LCOR: variants seen among roughly 807,000 people sequenced by gnomAD.
The protein encoded by LCOR is ligand dependent nuclear receptor corepressor, also known as ligand-dependent corepressor.
A neutral mutation model predicts 64.4 loss-of-function variants in LCOR; 14 were observed. The observed-to-expected ratio is 0.22, with a 90% CI of 0.14 to 0.34. LCOR has a LOEUF of 0.34. Ranked by LOEUF, LCOR falls within the 10% of genes least tolerant of loss-of-function variation. The probability of loss-of-function intolerance (pLI) is 1.00; values close to 1 mark genes in which losing one functional copy is unlikely to be tolerated. For missense variants in LCOR, 1,686 were observed against 1,765.3 expected (o/e 0.96, Z 0.80); for synonymous variants, 643 against 642.5 (o/e 1.00, Z -0.01).
intron 2 of LCOR, among the ~76,000 whole-genome samples, chr10:96,869,110 T>C (rs1846027316): frequency 6.6e-6 from 1 of 152,096 alleles, no homozygotes; most frequent in Non-Finnish European, 1.5e-5. Context: ...TTCACCATGT[T>C]GGCTAGGCTG....
chr10:96,852,578 T>G (rs964775578), intron 2 of LCOR, among the ~76,000 whole-genome samples: 7 of 152,242 alleles, frequency 4.6e-5, no homozygotes, highest in African/African-American at 1.4e-4. Context: ...ATCCTAAACC[T>G]GAAACACTTC....
At chr10:96,899,864 TA>T (rs780046062) in intron 2 of LCOR, among the ~76,000 whole-genome samples, 1 of 152,130 alleles carries the variant, frequency 6.6e-6, no homozygotes, top group Non-Finnish European at 1.5e-5. Context: ...CAGATTTTCT[TA>T]AAACATTACA....
At chr10:96,976,778 G>A (rs1848043731) in intron 7 of LCOR, among the ~76,000 whole-genome samples, 3 of 152,166 alleles carry the variant, frequency 2.0e-5, no homozygotes, top group Admixed American at 6.5e-5. Flanking sequence ...CTTACTGCAT[G>A]CATACCTTGA....
rs558082708 is a variant in LCOR, at chr10:96,916,835, G to C, written c.-184+9088G>C. On this transcript the variant is annotated intron_variant, in intron 4 of 7. Transcript: ENST00000421806. The stretch of plus-strand genomic sequence containing the variant: ...TCACCATGTTGGTCGGGCTGGTCTT[G>C]AACTCCTGACCTCAAGTGATCTGCC... Among the ~76,000 whole-genome samples, 4 of 152,006 alleles carry C rather than the reference G, an allele frequency of 2.6e-5. No homozygotes were observed. The South Asian group carries it at 8.3e-4, about 32-fold the overall frequency.
chr10:96,893,776 AAAG>A (rs1564617733), intron 2 of LCOR, among the ~76,000 whole-genome samples: 1 of 151,910 alleles, frequency 6.6e-6, no homozygotes, highest in African/African-American at 2.4e-5. Context: ...AAAAAAAAAA[AAAG>A]AAATTGTCCA....
intron 4 of LCOR, among the ~76,000 whole-genome samples, chr10:96,921,754 G>T (rs577773413): frequency 8.5e-5 from 13 of 152,168 alleles, no homozygotes; most frequent in Non-Finnish European, 1.6e-4. Flanking sequence ...GTAAGCCACG[G>T]CCCCCAGCCC....
chr10:96,958,313 A>G (rs984579518), intron 7 of LCOR: 5 of 1,523,112 alleles, frequency 3.3e-6, no homozygotes, highest in Non-Finnish European at 4.4e-6. Context: ...GTGGTAGTCT[A>G]TATAAGTGAT....
intron 1 of LCOR, 31 bp downstream of exon 1, chr10:96,832,430 TCCGGCCGCCCCGCCG>T: frequency 1.1e-6 from 1 of 894,802 alleles, no homozygotes; most frequent in East Asian, 1.2e-4. Flanking sequence ...CCGCCGCCCC[TCCGGCCGCCCCGCCG>T]CCGGTCGCCC....
At chr10:96,938,827 A>C (rs1847397524) in intron 4 of LCOR, among the ~76,000 whole-genome samples, 4 of 152,248 alleles carry the variant, frequency 2.6e-5, no homozygotes, top group African/African-American at 9.6e-5. Flanking sequence ...TATAAAAGAA[A>C]TATAAGACTT....
At chr10:96,966,821 G>A (rs560025481) in intron 7 of LCOR, among the ~76,000 whole-genome samples, 2 of 152,208 alleles carry the variant, frequency 1.3e-5, no homozygotes, top group East Asian at 3.9e-4. Flanking sequence ...CTGCAGCCTC[G>A]ACCTGCTGGG....
chr10:96,970,113 T>C (rs1847986075), intron 7 of LCOR, among the ~76,000 whole-genome samples: 1 of 151,008 alleles, frequency 6.6e-6, no homozygotes, highest in South Asian at 2.1e-4. Context: ...TAAATTGACT[T>C]GAGGCTGGGT....
intron 7 of LCOR, among the ~76,000 whole-genome samples, chr10:96,953,172 C>A (rs888977859): frequency 6.6e-6 from 1 of 152,076 alleles, no homozygotes; most frequent in African/African-American, 2.4e-5. Flanking sequence ...GCGTACTAAT[C>A]TTTTTCTTAA....
intron 2 of LCOR, among the ~76,000 whole-genome samples, chr10:96,846,212 A>G (rs188091961): frequency 4.7e-4 from 72 of 152,260 alleles, no homozygotes; most frequent in African/African-American, 9.6e-4. Context: ...ATCTCAAAAC[A>G]AAAACAAAAC....
intron 4 of LCOR, among the ~76,000 whole-genome samples, chr10:96,920,221 G>A (rs772895725): frequency 2.0e-5 from 3 of 151,326 alleles, no homozygotes; most frequent in African/African-American, 4.9e-5. Flanking sequence ...GTAGTATCTC[G>A]TTGTGGTTTT....
At chr10:96,915,762 C>G in intron 4 of LCOR, 1 of 630,606 alleles carries the variant, frequency 1.6e-6, no homozygotes, top group Non-Finnish European at 3.0e-6. Context: ...TTCTCTCCCT[C>G]CTTTGCAGGG....
At chr10:96,912,506 T>C (rs1178921885) in intron 4 of LCOR, among the ~76,000 whole-genome samples, 1 of 152,246 alleles carries the variant, frequency 6.6e-6, no homozygotes, top group African/African-American at 2.4e-5. Context: ...TGTTGTATCA[T>C]TCTTCGTGCA....
rs1392052177 is a variant in LCOR at position 96,988,140 on chromosome 10, T to C, written c.*3006T>C. 6.6e-6 allele frequency: 1 copy of C among 152,234 alleles called. No homozygotes were observed. The highest frequency in any genetic ancestry group is 1.5e-5 in the Non-Finnish European group (1 of 68,052). 9.4% of individuals were successfully genotyped at this position (152,234 alleles called of 1,614,324 possible). A position where few individuals can be genotyped will look rare whatever the true frequency, so the allele number is the denominator to read the frequency against. On this transcript the variant is annotated 3_prime_UTR_variant, in exon 8 of 8. Coordinates refer to ENST00000421806, the MANE Select transcript of LCOR (RefSeq NM_001346516.2). ...GGCCCTCTTCAGGACACCCATCTTC[T>C]ATCCTACGAGACTCCCTGCTATAGA...
chr10:96,973,730 A>C (rs1371581364), intron 7 of LCOR, among the ~76,000 whole-genome samples: 1 of 152,176 alleles, frequency 6.6e-6, no homozygotes, highest in African/African-American at 2.4e-5. Context: ...TGTTTCTGCT[A>C]TTAAGATTAG....
rs1589353261 is a variant in LCOR, at chr10:96,989,690, TA to T, written c.*4557del. 4.2e-4 allele frequency: 34 copies of T among 81,200 alleles called. No homozygotes were observed. In the South Asian group the frequency reaches 5.4e-3, roughly 13 times the overall value. 5.0% of individuals were successfully genotyped at this position (81,200 alleles called of 1,614,324 possible). A position where few individuals can be genotyped will look rare whatever the true frequency, so the allele number is the denominator to read the frequency against. ...AAGGATAAGGATATATATATATATA[TA>T]TATATTTTTTTTTTTTTTTTTTTTT... On this transcript the variant is annotated 3_prime_UTR_variant, in exon 8 of 8. Transcript: ENST00000421806.
Sources: allele counts gnomAD v4.1 joint callset (sites outside exome capture counted in the v4.1 genomes callset), GRCh38; gene constraint gnomAD v4.1.1; transcripts MANE v1.5; gene names NCBI Gene and HGNC (gene_info 2026-07-23, HGNC 2026-07-21).